The following DENND2B variants were observed in gnomAD, a reference collection of about 807,000 sequenced individuals.
DENND2B encodes DENN domain containing 2B, also known as DENN domain-containing protein 2B.
Under a neutral mutation model 116.0 loss-of-function variants are expected in DENND2B, and 32 were observed. The observed-to-expected ratio is 0.28, with a 90% CI of 0.21 to 0.37. The LOEUF is 0.37. Ranked by LOEUF, DENND2B falls within the 10% of genes least tolerant of loss-of-function variation. The pLI is 1.00. For missense variants in DENND2B, 1,276 were observed against 1,477.7 expected (o/e 0.86, Z 2.24); for synonymous variants, 588 against 583.9 (o/e 1.01, Z -0.10).
At position 8,798,828 on chromosome 11, in the gene DENND2B, CTTTTTTTT is replaced by C. The variant is rs200890965; in HGVS notation, c.-26+11681_-26+11688del. 3.0e-5 allele frequency among the ~76,000 whole-genome samples: 4 copies of C among 134,182 alleles called. No homozygotes were observed. The East Asian group carries it at 8.8e-4, about 29-fold the overall frequency. 88.0% of individuals were successfully genotyped at this position (134,182 alleles called of 152,430 possible). ...TAAATAAAACAACAATTTCCGGTTG[CTTTTTTTT>C]TTTTTTTTTAGACGGAGTTTCACTC... is the stretch of plus-strand genomic sequence containing the variant. On this transcript the variant is annotated intron_variant, in intron 1 of 19. Coordinates refer to ENST00000313726, the MANE Select transcript of DENND2B (RefSeq NM_213618.2).
rs1461351148 is a variant in DENND2B, at chr11:8,731,143, A to G, written c.147T>C (p.Asp49=). 3 of 1,577,698 alleles carry G rather than the reference A, an allele frequency of 1.9e-6. No individual in the cohort carries two copies. In the African/African-American group the frequency reaches 4.0e-5, roughly 21 times the overall value. Residue 49 remains aspartate, a synonymous_variant, in exon 3 of 20, where the codon GAT becomes GAC. Coordinates refer to ENST00000313726, the MANE Select transcript of DENND2B (RefSeq NM_213618.2). ...PPRSPIYPLS[D]SETSACRYPS... ...GGTACCTGCAGGCTGAGGTTTCACT[A>G]TCACTGAGCGGGTAGATGGGACTCC...
chr11:8,776,468 C>G (rs2057744066), intron 1 of DENND2B: 1 of 348,340 alleles, frequency 2.9e-6, no homozygotes, highest in Non-Finnish European at 5.7e-6. Context: ...CCTACAGGCT[C>G]CTGACCGGTG....
chr11:8,722,230 C>A (rs1240908800), intron 4 of DENND2B, among the ~76,000 whole-genome samples: 1 of 152,238 alleles, frequency 6.6e-6, no homozygotes, highest in East Asian at 1.9e-4. Flanking sequence ...CCAGCAAACC[C>A]TCCACAACCC....
upstream of DENND2B, chr11:8,810,798 T>TCTCTCTCTCTCTCTC (rs1247782848): frequency 1.5e-5 from 2 of 134,844 alleles, no homozygotes; most frequent in African/African-American, 3.3e-5. Flanking sequence ...TTTTCTTTCT[T>TCTCTCTCTCTCTCTC]TCTCACTGTC....
At chr11:8,779,846 C>T (rs2058196366) in intron 1 of DENND2B, among the ~76,000 whole-genome samples, 1 of 152,170 alleles carries the variant, frequency 6.6e-6, no homozygotes, top group South Asian at 2.1e-4. Flanking sequence ...ACTCCAAAAT[C>T]CTCTCCCTTG....
intron 1 of DENND2B, among the ~76,000 whole-genome samples, chr11:8,754,313 G>A (rs901562270): frequency 3.3e-5 from 5 of 152,108 alleles, no homozygotes; most frequent in Non-Finnish European, 5.9e-5. Flanking sequence ...ATAAGCATAC[G>A]AAACAATGCT....
chr11:8,894,644 A>G (rs2064077078), intron 1 of DENND2B, among the ~76,000 whole-genome samples: 1 of 152,222 alleles, frequency 6.6e-6, no homozygotes, highest in Admixed American at 6.5e-5. Flanking sequence ...AGACACATCA[A>G]AAAATGCTCA....
At chr11:8,710,683 T>C (rs1279940448) in intron 11 of DENND2B, among the ~76,000 whole-genome samples, 162 bp downstream of exon 11, 1 of 151,680 alleles carries the variant, frequency 6.6e-6, no homozygotes, top group Non-Finnish European at 1.5e-5. Flanking sequence ...AGTGTGTGTG[T>C]TGGCAGGGGG....
chr11:8,792,347 TGAA>T lies in DENND2B; in HGVS notation c.-26+18167_-26+18169del, dbSNP rs371150207. On this transcript the variant is annotated intron_variant, in intron 1 of 19. Coordinates refer to ENST00000313726, the MANE Select transcript of DENND2B (RefSeq NM_213618.2). ...AATTTTTTTTTGTGATTCTGACAAG[TGAA>T]GAAGATTTTTCCAAGTATGACAGAA... Among the ~76,000 whole-genome samples, 242 of 151,938 alleles carry T rather than the reference TGAA, an allele frequency of 1.6e-3. 3 individuals carry two copies. Among genetic ancestry groups the T allele is most frequent in the African/African-American group, 5.6e-3 (234 of 41,444 alleles).
At chr11:8,827,668 G>C (rs2062031789) in intron 4 of DENND2B, among the ~76,000 whole-genome samples, 2 of 152,220 alleles carry the variant, frequency 1.3e-5, no homozygotes, top group South Asian at 4.1e-4. Flanking sequence ...CAGAGGCTTA[G>C]AGACTTATGT....
At chr11:8,855,556 A>T (rs1039063227) in intron 3 of DENND2B, among the ~76,000 whole-genome samples, 1 of 151,932 alleles carries the variant, frequency 6.6e-6, no homozygotes, top group African/African-American at 2.4e-5. Context: ...AGATGCAAAG[A>T]GCCCGAGAAA....
intron 4 of DENND2B, chr11:8,718,105 C>CCCCCCCAA (rs1457787953): frequency 4.4e-5 from 11 of 251,230 alleles, no homozygotes; most frequent in African/African-American, 2.4e-4. Flanking sequence ...CACCCCCCCA[C>CCCCCCCAA]CCCCCCCAAC....
rs35041188 is a variant in DENND2B at position 8,870,509 on chromosome 11, A to ATGTG, written c.-250+441_-250+444dup. 2.2e-3 allele frequency among the ~76,000 whole-genome samples: 328 copies of ATGTG among 150,040 alleles called. 6 individuals are homozygous for ATGTG. Among genetic ancestry groups the ATGTG allele is most frequent in the African/African-American group, 6.5e-3 (267 of 40,904 alleles). On this transcript the variant is annotated intron_variant, in intron 2 of 6. Transcript: ENST00000524757. ...GTGTCTGTGTGTGTTGTGCGTGTGT[A>ATGTG]TGTGTGTGTGTGTGTGCGCGCGCGC...
At chr11:8,713,951 G>A (rs1326059489) in intron 8 of DENND2B, 47 bp downstream of exon 8, 1 of 1,602,820 alleles carries the variant, frequency 6.2e-7, no homozygotes, top group South Asian at 1.1e-5. Context: ...CTGATTCCCT[G>A]CAGCCCTGCT....
In DENND2B at chr11:8,744,195, G is replaced by A. The variant is rs181834316; in HGVS notation, c.80+6426C>T. ...GTTGCCCAGGCTGGAGTGCAATGGC[G>A]TGATCTCGGCTCACCACAACCTCCG... On this transcript the variant is annotated intron_variant, in intron 2 of 19. Coordinates refer to ENST00000313726, the MANE Select transcript of DENND2B (RefSeq NM_213618.2). Among the ~76,000 whole-genome samples, 353 of 150,832 alleles carry A rather than the reference G, an allele frequency of 2.3e-3. 2 individuals carry two copies. The highest frequency in any genetic ancestry group is 7.8e-3 in the African/African-American group (320 of 41,020).
chr11:8,765,762 G>A (rs1381168160), intron 1 of DENND2B, among the ~76,000 whole-genome samples: 2 of 152,094 alleles, frequency 1.3e-5, no homozygotes, highest in African/African-American at 4.8e-5. Context: ...TTAAGGCCAG[G>A]CACAGTGGCT....
chr11:8,764,079 C>A (rs1250324277), intron 1 of DENND2B, among the ~76,000 whole-genome samples: 1 of 152,120 alleles, frequency 6.6e-6, no homozygotes, highest in Non-Finnish European at 1.5e-5. Context: ...CAAAAATTAG[C>A]TAGGCATGAA....
At chr11:8,800,836 A>G (rs2060249726) in intron 1 of DENND2B, among the ~76,000 whole-genome samples, 1 of 152,144 alleles carries the variant, frequency 6.6e-6, no homozygotes, top group South Asian at 2.1e-4. Flanking sequence ...ACACTTGTAG[A>G]TAAGGAGCTA....
At chr11:8,774,070 C>G in intron 1 of DENND2B, 1 of 979,098 alleles carries the variant, frequency 1.0e-6, no homozygotes, top group South Asian at 4.7e-5. Context: ...CAGTTCCAAC[C>G]ACGAAGTGCT....
Sources: gnomAD v4.1 joint callset for allele counts (sites outside exome capture counted in the v4.1 genomes callset) on GRCh38, gnomAD v4.1.1 for gene constraint, MANE v1.5 for transcripts, NCBI Gene and HGNC (gene_info 2026-07-23, HGNC 2026-07-21) for gene names.